Variants in SLC13A3 observed in about 807,000 individuals in gnomAD.
SLC13A3 encodes the protein solute carrier family 13 member 3.
Under a neutral mutation model 59.0 loss-of-function variants are expected in SLC13A3, and 40 were observed. The ratio of observed to expected loss-of-function variants is 0.68; its 90% CI spans 0.53 to 0.88. SLC13A3 has a LOEUF of 0.88. SLC13A3 is among the 40% of genes least tolerant of loss of function. The pLI is 0.00. For synonymous variants in SLC13A3, 317 were observed against 330.3 expected, an observed-to-expected ratio of 0.96 and a Z score of 0.44; for missense variants, 699 against 783.2, an observed-to-expected ratio of 0.89 and a Z score of 1.28.
chr20:46,600,526 C>A, intron 3 of SLC13A3: 1 of 379,524 alleles, frequency 2.6e-6, no homozygotes, highest in Admixed American at 2.7e-5. Flanking sequence ...TGTGCCCAGG[C>A]CTGTTGGCAG....
At chr20:46,609,285 T>C (rs1600554556) in intron 3 of SLC13A3, among the ~76,000 whole-genome samples, 1 of 152,352 alleles carries the variant, frequency 6.6e-6, no homozygotes, top group East Asian at 1.9e-4. Flanking sequence ...TGGACTTCTT[T>C]AACTTCACTG....
At chr20:46,573,311 G>C (rs2062046464) in intron 10 of SLC13A3, among the ~76,000 whole-genome samples, 1 of 152,150 alleles carries the variant, frequency 6.6e-6, no homozygotes, top group Admixed American at 6.5e-5. Flanking sequence ...ACCTGCACCT[G>C]GGGCAGCTTG....
chr20:46,632,905 A>C (rs1456695371), intron 1 of SLC13A3, among the ~76,000 whole-genome samples: 5 of 2,106 alleles, frequency 2.4e-3, no homozygotes, highest in Admixed American at 6.4e-3. Context: ...AGATAGATAG[A>C]TAGATATATC....
intron 3 of SLC13A3, among the ~76,000 whole-genome samples, chr20:46,602,195 G>T (rs1026960647): frequency 4.6e-5 from 7 of 152,018 alleles, no homozygotes; most frequent in African/African-American, 1.7e-4. Context: ...AAATTAGCTG[G>T]GTGTGGTGGT....
chr20:46,629,449 T>C (rs779419430), intron 1 of SLC13A3, among the ~76,000 whole-genome samples: 1 of 152,248 alleles, frequency 6.6e-6, no homozygotes, highest in African/African-American at 2.4e-5. Context: ...GTTTTAGTTT[T>C]GGAGAAATGT....
chr20:46,610,620 G>A lies in SLC13A3; in HGVS notation c.378-11C>T. The stretch of plus-strand genomic sequence containing the variant: ...ATCCCCAGGATGAGCCTGCAGAGCA[G>A]ATGGCATTAGAGGCAAATCCAGAAC... On this transcript the variant is annotated splice_polypyrimidine_tract_variant and intron_variant, in intron 2 of 12. Transcript: ENST00000279027. 6.2e-7 allele frequency: 1 copy of A among 1,606,028 alleles called. No individual in the cohort carries two copies. The highest frequency in any genetic ancestry group is 8.5e-7 in the Non-Finnish European group (1 of 1,176,288).
upstream of SLC13A3, among the ~76,000 whole-genome samples, chr20:46,654,751 A>T (rs2062972718): frequency 6.6e-6 from 1 of 152,100 alleles, no homozygotes. Flanking sequence ...GGCTGGTCTC[A>T]AACTCTTGAC....
rs558055616 is a variant in SLC13A3 at position 46,637,579 on chromosome 20, G to T, written c.111+13732C>A. Among the ~76,000 whole-genome samples, 16 of 152,264 alleles carry T rather than the reference G, an allele frequency of 1.1e-4. No homozygotes were observed. The East Asian group carries it at 3.1e-3, about 29-fold the overall frequency. ...AGACCCCAGGGCCAAGAGGTCATTTGTAAGGCAAACAATACCACTACGACT... is the reference window on the plus strand; with the variant it reads ...AGACCCCAGGGCCAAGAGGTCATTTTTAAGGCAAACAATACCACTACGACT... On this transcript the variant is annotated intron_variant, in intron 1 of 12. Transcript: ENST00000279027.
intron 1 of SLC13A3, 86 bp downstream of exon 1, chr20:46,651,225 C>G: frequency 7.2e-7 from 1 of 1,398,432 alleles, no homozygotes; most frequent in African/African-American, 1.5e-5. Flanking sequence ...TACACTGGGA[C>G]CTCAGCGGTC....
intron 1 of SLC13A3, among the ~76,000 whole-genome samples, chr20:46,642,074 T>C (rs2062850578): frequency 6.6e-6 from 1 of 152,188 alleles, no homozygotes; most frequent in Non-Finnish European, 1.5e-5. Flanking sequence ...TTCCTCTTAT[T>C]CCCTCTGCCT....
At chr20:46,669,116 C>T (rs1266221648) in intron 1 of SLC13A3, among the ~76,000 whole-genome samples, 4 of 152,198 alleles carry the variant, frequency 2.6e-5, no homozygotes, top group Non-Finnish European at 5.9e-5. Context: ...CACACTGCTA[C>T]TCCCATATCC....
chr20:46,593,504 T>C (rs951097201), intron 5 of SLC13A3, among the ~76,000 whole-genome samples: 6 of 152,190 alleles, frequency 3.9e-5, no homozygotes, highest in African/African-American at 1.4e-4. Context: ...ATAAACTCTA[T>C]ATAGTGGGAT....
chr20:46,643,519 C>G (rs1191064242), intron 1 of SLC13A3, among the ~76,000 whole-genome samples: 1 of 152,100 alleles, frequency 6.6e-6, no homozygotes, highest in Admixed American at 6.5e-5. Flanking sequence ...GTAAGAAAGC[C>G]AGAGCGCTGG....
chr20:46,605,511 G>A (rs1226894951), intron 3 of SLC13A3, among the ~76,000 whole-genome samples: 1 of 152,128 alleles, frequency 6.6e-6, no homozygotes, highest in Non-Finnish European at 1.5e-5. Flanking sequence ...TCAGGCCAGG[G>A]GATGGAGAAC....
At chr20:46,607,868 C>T (rs1358891478) in intron 3 of SLC13A3, among the ~76,000 whole-genome samples, 1 of 152,202 alleles carries the variant, frequency 6.6e-6, no homozygotes, top group African/African-American at 2.4e-5. Context: ...TCCTCAATTT[C>T]CATTTCTGTA....
intron 5 of SLC13A3, 147 bp downstream of exon 5, chr20:46,596,010 G>A (rs1297417828): frequency 3.1e-6 from 2 of 654,724 alleles, no homozygotes; most frequent in African/African-American, 3.7e-5. Context: ...CCAAGGGCAG[G>A]GATCTCACTG....
chr20:46,640,056 A>G (rs1317933804), intron 1 of SLC13A3, among the ~76,000 whole-genome samples: 1 of 152,220 alleles, frequency 6.6e-6, no homozygotes, highest in Non-Finnish European at 1.5e-5. Flanking sequence ...AAAGCTCACA[A>G]GCATATCATG....
intron 9 of SLC13A3, 48 bp downstream of exon 9, chr20:46,583,524 C>T (rs1181166078): frequency 3.9e-5 from 62 of 1,592,076 alleles, no homozygotes; most frequent in Non-Finnish European, 5.0e-5. Flanking sequence ...ACACTCCATG[C>T]CGCAGTCCTC....
At chr20:46,602,430 T>C (rs2062388761) in intron 3 of SLC13A3, among the ~76,000 whole-genome samples, 1 of 151,932 alleles carries the variant, frequency 6.6e-6, no homozygotes, top group African/African-American at 2.4e-5. Context: ...AAAAGAAAAT[T>C]AGAATGAATT....
Sources: allele counts gnomAD v4.1 joint callset (sites outside exome capture counted in the v4.1 genomes callset), GRCh38; gene constraint gnomAD v4.1.1; transcripts MANE v1.5; gene names NCBI Gene and HGNC (gene_info 2026-07-23, HGNC 2026-07-21).